The following MIPEP variants were observed in gnomAD, a reference collection of about 807,000 sequenced individuals.
MIPEP encodes mitochondrial intermediate peptidase.
Under a neutral mutation model 90.3 loss-of-function variants are expected in MIPEP, and 79 were observed. The observed-to-expected ratio is 0.87, with a 90% CI of 0.73 to 1.05. The LOEUF (loss-of-function observed/expected upper bound fraction) is 1.05. Ranked by LOEUF, MIPEP falls within the 50% of genes least tolerant of loss-of-function variation. MIPEP has a pLI of 0.00. For synonymous variants in MIPEP, 334 were observed against 315.8 expected (o/e 1.06, Z -0.61); for missense variants, 940 against 905.6 (o/e 1.04, Z -0.49).
chr13:23,796,006 C>T (rs1950374054), intron 16 of MIPEP, among the ~76,000 whole-genome samples: 1 of 152,224 alleles, frequency 6.6e-6, no homozygotes, highest in East Asian at 1.9e-4. Flanking sequence ...CATATACACA[C>T]ACAATTGTTA....
At chr13:23,814,373 C>T (rs1359349743) in intron 14 of MIPEP, among the ~76,000 whole-genome samples, 3 of 152,184 alleles carry the variant, frequency 2.0e-5, no homozygotes, top group Non-Finnish European at 2.9e-5. Context: ...TCTCCTGCCT[C>T]AGCCTCCCGA....
At chr13:23,741,159 C>CA (rs1288598650) in intron 18 of MIPEP, among the ~76,000 whole-genome samples, 1 of 151,660 alleles carries the variant, frequency 6.6e-6, no homozygotes, top group Non-Finnish European at 1.5e-5. Context: ...AGTAAAAAGT[C>CA]AAAAAAATAA....
intron 10 of MIPEP, among the ~76,000 whole-genome samples, chr13:23,847,178 G>A (rs1026500379): frequency 6.6e-6 from 1 of 152,188 alleles, no homozygotes; most frequent in Non-Finnish European, 1.5e-5. Flanking sequence ...AGGAAGCACA[G>A]TAATTGTATC....
intron 18 of MIPEP, among the ~76,000 whole-genome samples, chr13:23,746,244 C>A (rs1027650053): frequency 1.3e-5 from 2 of 151,432 alleles, no homozygotes; most frequent in Admixed American, 6.6e-5. Flanking sequence ...GAACTCCGGA[C>A]CTCAGGTGAT....
intron 14 of MIPEP, among the ~76,000 whole-genome samples, chr13:23,825,735 T>C (rs142282544): frequency 1.4e-3 from 219 of 152,284 alleles, no homozygotes; most frequent in African/African-American, 5.0e-3. Flanking sequence ...TGTGTGATCT[T>C]TGGAAAATTA....
At chr13:23,780,858 T>C (rs933582139) in intron 16 of MIPEP, among the ~76,000 whole-genome samples, 2 of 151,932 alleles carry the variant, frequency 1.3e-5, no homozygotes, top group African/African-American at 4.8e-5. Flanking sequence ...GTATCAGTGA[T>C]TAAAGATCAA....
chr13:23,822,406 T>C lies in MIPEP; in HGVS notation c.1654-12482A>G, dbSNP rs77169893. Among the ~76,000 whole-genome samples the C allele has an allele frequency of 1.7e-4, 26 of 152,326 alleles. No individual in the cohort carries two copies. The East Asian group carries it at 4.4e-3, about 26-fold the overall frequency. ...ACTGACTTAAAAGCCCTGGAGTGGT[T>C]GCCTCACATTGCCCCACCCCGCAAG... On this transcript the variant is annotated intron_variant, in intron 14 of 18. Coordinates refer to ENST00000382172, the MANE Select transcript of MIPEP (RefSeq NM_005932.4).
At chr13:23,766,198 A>T (rs968406471) in intron 16 of MIPEP, 6 of 152,236 alleles carry the variant, frequency 3.9e-5, no homozygotes, top group African/African-American at 1.4e-4. Context: ...TATTTGATAG[A>T]TGATGTAAGG....
chr13:23,790,372 A>G (rs1952886294), intron 16 of MIPEP, among the ~76,000 whole-genome samples: 1 of 152,246 alleles, frequency 6.6e-6, no homozygotes, highest in African/African-American at 2.4e-5. Flanking sequence ...AATCTTTCAA[A>G]TGTTCTGTGT....
chr13:23,857,676 G>C (rs1415449270), intron 10 of MIPEP, among the ~76,000 whole-genome samples: 1 of 152,114 alleles, frequency 6.6e-6, no homozygotes, highest in Non-Finnish European at 1.5e-5. Flanking sequence ...AAATGGTTTT[G>C]GCAACAGTGA....
chr13:23,760,229 A>T lies in MIPEP; in HGVS notation c.1849-12T>A. The T allele has an allele frequency of 6.2e-7, 1 of 1,613,896 alleles. No individual in the cohort carries two copies. Among genetic ancestry groups the T allele is most frequent in the Non-Finnish European group, 8.5e-7 (1 of 1,179,884 alleles). On this transcript the variant is annotated splice_polypyrimidine_tract_variant and intron_variant, in intron 16 of 18. Transcript: ENST00000382172. ...CGCAGCTGCCAGGCCTGCCAAGAAC[A>T]GAGAGACACAGCACGGGACACAAGT...
intron 16 of MIPEP, among the ~76,000 whole-genome samples, chr13:23,782,429 C>T (rs1330312849): frequency 6.6e-6 from 1 of 152,066 alleles, no homozygotes; most frequent in Non-Finnish European, 1.5e-5. Context: ...CACAACATAC[C>T]AGAATCTCTG....
intron 14 of MIPEP, among the ~76,000 whole-genome samples, chr13:23,815,307 T>C (rs961617902): frequency 1.7e-5 from 2 of 118,650 alleles, no homozygotes; most frequent in Non-Finnish European, 3.3e-5. Flanking sequence ...TGTACTTCCA[T>C]AGTTTCCTGA....
intron 14 of MIPEP, among the ~76,000 whole-genome samples, chr13:23,811,138 T>C (rs903852370): frequency 3.3e-5 from 5 of 152,204 alleles, no homozygotes; most frequent in African/African-American, 1.2e-4. Context: ...TGCCAACAGA[T>C]TGTGTCAAAA....
chr13:23,832,021 G>C (rs1051860833), intron 14 of MIPEP, among the ~76,000 whole-genome samples: 2 of 152,084 alleles, frequency 1.3e-5, no homozygotes, highest in Non-Finnish European at 2.9e-5. Context: ...TTGAGTATCT[G>C]TCCCCTCCAA....
At chr13:23,814,619 A>G (rs1484328429) in intron 14 of MIPEP, among the ~76,000 whole-genome samples, 1 of 152,210 alleles carries the variant, frequency 6.6e-6, no homozygotes, top group Non-Finnish European at 1.5e-5. Context: ...CTATAAATCA[A>G]GAACGTTTAT....
intron 16 of MIPEP, among the ~76,000 whole-genome samples, chr13:23,772,748 C>T (rs1952666944): frequency 6.6e-6 from 1 of 152,208 alleles, no homozygotes; most frequent in Non-Finnish European, 1.5e-5. Flanking sequence ...CTAGCCAGAA[C>T]ACCCTTCCCA....
At chr13:23,801,316 C>G (rs201187024) in intron 16 of MIPEP, among the ~76,000 whole-genome samples, 1 of 152,176 alleles carries the variant, frequency 6.6e-6, no homozygotes, top group East Asian at 1.9e-4. Context: ...ACTGATTATG[C>G]CTTCTGCACT....
intron 16 of MIPEP, among the ~76,000 whole-genome samples, chr13:23,780,160 A>G (rs1952764443): frequency 6.6e-6 from 1 of 152,238 alleles, no homozygotes; most frequent in Non-Finnish European, 1.5e-5. Flanking sequence ...TGCCTCCTCA[A>G]GTGGGTCCCT....
Sources: allele counts gnomAD v4.1 joint callset (sites outside exome capture counted in the v4.1 genomes callset), GRCh38; gene constraint gnomAD v4.1.1; transcripts MANE v1.5; gene names NCBI Gene and HGNC (gene_info 2026-07-23, HGNC 2026-07-21).